KIAA1549: variants seen among roughly 807,000 people sequenced by gnomAD.
KIAA1549 encodes UPF0606 protein KIAA1549.
In KIAA1549, 70 loss-of-function variants were observed where a neutral mutation model predicts 156.4. The observed-to-expected ratio is 0.45, with a 90% CI of 0.37 to 0.55. The LOEUF (loss-of-function observed/expected upper bound fraction) is 0.55. KIAA1549 is among the 20% of genes least tolerant of loss of function. The probability of loss-of-function intolerance (pLI) is 0.00; values close to 1 mark genes in which losing one functional copy is unlikely to be tolerated. For synonymous variants in KIAA1549, 1,103 were observed against 1,066.4 expected (o/e 1.03, Z -0.67); for missense variants, 2,428 against 2,540.9 (o/e 0.96, Z 0.96).
In KIAA1549 at chr7:138,968,786, G is replaced by A. The variant is rs914588194; in HGVS notation, c.187+12297C>T. ...GAGGCAGGAGAATGGCGTGAACCTG[G>A]GAGGCAGAGCTTGCAGTGAGCCAAG... On this transcript the variant is annotated intron_variant, in intron 1 of 19. Transcript: ENST00000422774. 5.3e-5 allele frequency among the ~76,000 whole-genome samples: 8 copies of A among 151,252 alleles called. No individual in the cohort carries two copies. The East Asian group carries it at 1.2e-3, about 22-fold the overall frequency.
intron 13 of KIAA1549, among the ~76,000 whole-genome samples, chr7:138,869,985 G>A (rs1303509858): frequency 6.6e-6 from 1 of 152,112 alleles, no homozygotes; most frequent in Non-Finnish European, 1.5e-5. Flanking sequence ...GAGTAGCTGG[G>A]ATTACAGACA....
chr7:138,969,883 G>C (rs1814166390), intron 1 of KIAA1549, among the ~76,000 whole-genome samples: 1 of 152,194 alleles, frequency 6.6e-6, no homozygotes, highest in Non-Finnish European at 1.5e-5. Context: ...CAGCCCATGA[G>C]ATGCTTTGAT....
intron 6 of KIAA1549, among the ~76,000 whole-genome samples, chr7:138,905,754 T>C (rs1004888811): frequency 2.6e-5 from 4 of 152,158 alleles, no homozygotes; most frequent in Admixed American, 1.3e-4. Context: ...ACTGCCTCCA[T>C]TGGCATTGTG....
At chr7:138,897,543 T>C (rs1811716539) in intron 9 of KIAA1549, among the ~76,000 whole-genome samples, 1 of 152,152 alleles carries the variant, frequency 6.6e-6, no homozygotes, top group African/African-American at 2.4e-5. Flanking sequence ...CTTTTATTGC[T>C]GGGAGCAAGT....
At chr7:138,854,722 A>G (rs545675246) in intron 16 of KIAA1549, among the ~76,000 whole-genome samples, 1 of 152,302 alleles carries the variant, frequency 6.6e-6, no homozygotes, top group African/African-American at 2.4e-5. Flanking sequence ...TCATCCAACT[A>G]CATCAGGGTA....
intron 17 of KIAA1549, 42 bp from the exon 18 acceptor site, chr7:138,844,516 C>A: frequency 6.8e-7 from 1 of 1,477,282 alleles, no homozygotes; most frequent in Non-Finnish European, 9.0e-7. Flanking sequence ...TCCACTGCAC[C>A]CTGGCCTTGG....
In KIAA1549 at chr7:138,837,323, T is replaced by C; in HGVS notation, c.*583A>G. ...GGAAGAATGCGGGTGATGGCTTTGT[T>C]TGGAGTCATCAGGCTCTACAACCTA... On this transcript the variant is annotated 3_prime_UTR_variant, in exon 20 of 20. Coordinates refer to ENST00000422774, the MANE Select transcript of KIAA1549 (RefSeq NM_001164665.2). 4.4e-6 allele frequency: 1 copy of C among 228,542 alleles called. No individual in the cohort carries two copies. The highest frequency in any genetic ancestry group is 8.7e-6 in the Non-Finnish European group (1 of 115,224). 14.2% of individuals were successfully genotyped at this position (228,542 alleles called of 1,614,324 possible).
intron 5 of KIAA1549, 92 bp from the exon 6 acceptor site, chr7:138,907,194 T>A: frequency 1.8e-6 from 2 of 1,117,156 alleles, no homozygotes; most frequent in Non-Finnish European, 2.4e-6. Flanking sequence ...TCTCACCGAT[T>A]TTTTTAAAGG....
chr7:138,898,448 G>A (rs774938610), intron 9 of KIAA1549, among the ~76,000 whole-genome samples: 3 of 152,106 alleles, frequency 2.0e-5, no homozygotes, highest in Admixed American at 1.3e-4. Flanking sequence ...GTGGAGTGAC[G>A]TGAGGATAGG....
chr7:138,837,507 G>C lies in KIAA1549; in HGVS notation c.*399C>G, dbSNP rs892247886. The C allele has an allele frequency of 6.6e-6, 2 of 301,356 alleles. No individual in the cohort carries two copies. The highest frequency in any genetic ancestry group is 1.2e-5 in the Non-Finnish European group (2 of 164,274). 18.7% of individuals were successfully genotyped at this position (301,356 alleles called of 1,614,324 possible). A position where few individuals can be genotyped will look rare whatever the true frequency, so the allele number is the denominator to read the frequency against. ...CCTCTTCTCAGAAAACAAAGCAGCAGGTTCATCGTACACGTACCAGTCTCA... is the reference window on the plus strand; with the variant it reads ...CCTCTTCTCAGAAAACAAAGCAGCACGTTCATCGTACACGTACCAGTCTCA... On this transcript the variant is annotated 3_prime_UTR_variant, in exon 20 of 20. Transcript: ENST00000422774.
At chr7:138,968,581 C>G (rs1233961679) in intron 1 of KIAA1549, among the ~76,000 whole-genome samples, 2 of 151,588 alleles carry the variant, frequency 1.3e-5, no homozygotes, top group African/African-American at 4.8e-5. Flanking sequence ...GGCGTGGTGG[C>G]TCACGCCTGT....
At chr7:138,947,171 A>G (rs1813361105) in intron 1 of KIAA1549, among the ~76,000 whole-genome samples, 1 of 152,240 alleles carries the variant, frequency 6.6e-6, no homozygotes, top group African/African-American at 2.4e-5. Context: ...CTGCAGTCCC[A>G]TGTTGACCAG....
At position 138,859,568 on chromosome 7, in the gene KIAA1549, C is replaced by T. The variant is rs1053618541; in HGVS notation, c.5247+1571G>A. On this transcript the variant is annotated intron_variant, in intron 16 of 19. Coordinates refer to ENST00000422774, the MANE Select transcript of KIAA1549 (RefSeq NM_001164665.2). ...CTCCTGCACGCTCCCTCATGAACTC[C>T]AGCTGCCTTTTCCTCCCCAGACTTC... is the stretch of plus-strand genomic sequence containing the variant. Among the ~76,000 whole-genome samples the T allele has an allele frequency of 4.6e-5, 7 of 152,134 alleles. No homozygotes were observed. In the South Asian group the frequency reaches 1.5e-3, roughly 32 times the overall value.
intron 8 of KIAA1549, among the ~76,000 whole-genome samples, chr7:138,899,397 A>G (rs902272068): frequency 2.0e-5 from 3 of 152,156 alleles, no homozygotes; most frequent in African/African-American, 7.2e-5. Flanking sequence ...GGCTGCACAG[A>G]ACCAGGGCTG....
At chr7:138,947,429 C>G (rs1332356218) in intron 1 of KIAA1549, among the ~76,000 whole-genome samples, 1 of 152,088 alleles carries the variant, frequency 6.6e-6, no homozygotes, top group Non-Finnish European at 1.5e-5. Flanking sequence ...TTGTATGCAC[C>G]TGACCTCACC....
At chr7:138,923,763 T>C (rs1812631227) in intron 1 of KIAA1549, among the ~76,000 whole-genome samples, 1 of 152,232 alleles carries the variant, frequency 6.6e-6, no homozygotes, top group East Asian at 1.9e-4. Context: ...AGAGGTATTG[T>C]TGACTCACTA....
At chr7:138,910,149 G>C (rs187218957) in intron 4 of KIAA1549, among the ~76,000 whole-genome samples, 224 of 152,228 alleles carry the variant, frequency 1.5e-3, no homozygotes, top group Middle Eastern at 3.4e-3. Context: ...ACGGAAAAGT[G>C]GTTGAAGACA....
chr7:138,855,584 A>G (rs1178809983), intron 16 of KIAA1549, among the ~76,000 whole-genome samples: 2 of 152,114 alleles, frequency 1.3e-5, no homozygotes, highest in East Asian at 3.9e-4. Flanking sequence ...TATCATTTCA[A>G]CTGCTCCCTC....
intron 1 of KIAA1549, among the ~76,000 whole-genome samples, chr7:138,978,614 T>C (rs1018022565): frequency 1.3e-5 from 2 of 152,160 alleles, no homozygotes; most frequent in African/African-American, 4.8e-5. Flanking sequence ...GAACAAAAGT[T>C]AACAAGAGAA....
Sources: allele counts gnomAD v4.1 joint callset (sites outside exome capture counted in the v4.1 genomes callset), GRCh38; gene constraint gnomAD v4.1.1; transcripts MANE v1.5; gene names NCBI Gene and HGNC (gene_info 2026-07-23, HGNC 2026-07-21).